The following OSTM1 variants were observed in gnomAD, a reference collection of about 807,000 sequenced individuals.
The protein encoded by OSTM1 is osteoclastogenesis associated transmembrane protein 1, also known as osteopetrosis-associated transmembrane protein 1.
In OSTM1, 26 loss-of-function variants were observed where a neutral mutation model predicts 35.4. The observed-to-expected ratio is 0.73, with a 90% CI of 0.54 to 1.02. The LOEUF is 1.02. OSTM1 is among the 50% of genes least tolerant of loss of function. The pLI is 0.00. For missense variants in OSTM1, 366 were observed against 409.6 expected (o/e 0.89, Z 0.92); for synonymous variants, 181 against 165.0 (o/e 1.10, Z -0.75).
Position 108,041,741 on chromosome 6 carries a change from A to G in OSTM1, c.*3044T>C, listed in dbSNP as rs977859973. ...ATGATGTTCCACTTATTTAGTCTTAATAAGGTAGGGAAATAAGTGACATAC... is the reference window on the plus strand; with the variant it reads ...ATGATGTTCCACTTATTTAGTCTTAGTAAGGTAGGGAAATAAGTGACATAC... On this transcript the variant is annotated 3_prime_UTR_variant, in exon 6 of 6. Coordinates refer to ENST00000193322, the MANE Select transcript of OSTM1 (RefSeq NM_014028.4). 6.6e-6 allele frequency: 1 copy of G among 152,180 alleles called. No homozygotes were observed. Among genetic ancestry groups the G allele is most frequent in the African/African-American group, 2.4e-5 (1 of 41,436 alleles). 9.4% of individuals were successfully genotyped at this position (152,180 alleles called of 1,614,324 possible).
intron 2 of OSTM1, among the ~76,000 whole-genome samples, chr6:108,061,245 G>C (rs1772265355): frequency 6.6e-6 from 1 of 152,052 alleles, no homozygotes; most frequent in African/African-American, 2.4e-5. Flanking sequence ...ACTGGCTGGG[G>C]CTTCTTATCC....
Position 108,058,339 on chromosome 6 carries a change from G to A in OSTM1, c.518-3752C>T, listed in dbSNP as rs59632883. On this transcript the variant is annotated intron_variant, in intron 2 of 5. Coordinates refer to ENST00000193322, the MANE Select transcript of OSTM1 (RefSeq NM_014028.4). ...TAGCAGAGATAATCACCAATTTAGG[G>A]TAAGCTTCAGAAAATAAAAATAAAC... Among the ~76,000 whole-genome samples, 244 of 152,148 alleles carry A rather than the reference G, an allele frequency of 1.6e-3. 1 individual carries two copies. Among genetic ancestry groups the A allele is most frequent in the African/African-American group, 5.7e-3 (238 of 41,508 alleles).
intron 1 of OSTM1, among the ~76,000 whole-genome samples, chr6:108,064,917 A>T (rs1772350135): frequency 1.3e-5 from 2 of 152,340 alleles, no homozygotes; most frequent in South Asian, 4.1e-4. Flanking sequence ...AGGAGAAAAG[A>T]GGGAGAAAAG....
rs1772033167 is a variant in OSTM1 at position 108,049,210 on chromosome 6, T to C, written c.949+43A>G. On this transcript the variant is annotated intron_variant, in intron 5 of 5. Transcript: ENST00000193322. ...CTAAAACAGGCCTAAATTTTTAAAATACAGGCTTTTATCTATAAAATAAAT... is the reference window on the plus strand; with the variant it reads ...CTAAAACAGGCCTAAATTTTTAAAACACAGGCTTTTATCTATAAAATAAAT... 6 of 1,403,072 alleles carry C rather than the reference T, an allele frequency of 4.3e-6. No individual in the cohort carries two copies. In the East Asian group the frequency reaches 9.9e-5, roughly 23 times the overall value. The allele number at this position is 1,403,072 out of a possible 1,614,324, so 86.9% of individuals were successfully genotyped here.
At chr6:108,052,500 A>T in intron 3 of OSTM1, among the ~76,000 whole-genome samples, 2 of 140,370 alleles carry the variant, frequency 1.4e-5, no homozygotes, top group Non-Finnish European at 1.5e-5. Flanking sequence ...CTAGATGGGG[A>T]GTAATTTAAC....
At chr6:108,068,131 T>C (rs1772413599) in intron 1 of OSTM1, among the ~76,000 whole-genome samples, 1 of 152,172 alleles carries the variant, frequency 6.6e-6, no homozygotes, top group African/African-American at 2.4e-5. Flanking sequence ...ACCCCTTCCC[T>C]TTTCCTTGAT....
intron 5 of OSTM1, among the ~76,000 whole-genome samples, chr6:108,045,666 C>T (rs1771955215): frequency 6.6e-6 from 1 of 152,086 alleles, no homozygotes; most frequent in Non-Finnish European, 1.5e-5. Context: ...AATACGTTAC[C>T]ATCAATTCTG....
At chr6:108,049,221 A>C in intron 5 of OSTM1, 32 bp downstream of exon 5, 1 of 1,485,802 alleles carries the variant, frequency 6.7e-7, no homozygotes, top group African/African-American at 1.4e-5. Context: ...ACAGGCTTTT[A>C]TCTATAAAAT....
intron 3 of OSTM1, among the ~76,000 whole-genome samples, chr6:108,054,128 T>C (rs568894180): frequency 1.3e-5 from 2 of 152,316 alleles, no homozygotes; most frequent in African/African-American, 4.8e-5. Context: ...AAACTTCCTA[T>C]AGACAGAATC....
chr6:108,059,052 T>C (rs115361813), intron 2 of OSTM1, among the ~76,000 whole-genome samples: 144 of 152,300 alleles, frequency 9.5e-4, no homozygotes, highest in African/African-American at 3.4e-3. Flanking sequence ...ACTGATAATT[T>C]TGAGGCCTAT....
intron 2 of OSTM1, among the ~76,000 whole-genome samples, chr6:108,055,970 T>C (rs1472720059): frequency 1.3e-5 from 2 of 152,106 alleles, no homozygotes; most frequent in African/African-American, 4.8e-5. Context: ...CAACTGGAAG[T>C]GGAAAGACAA....
chr6:108,047,495 T>C lies in OSTM1; in HGVS notation c.949+1758A>G, dbSNP rs544312024. Reference sequence around the variant, plus strand: ...GAACACATTAAGCATTCCAAGTTAGTAGAGAAACATGGTGAATTTGTGTTT... The same window carrying C: ...GAACACATTAAGCATTCCAAGTTAGCAGAGAAACATGGTGAATTTGTGTTT... On this transcript the variant is annotated intron_variant, in intron 5 of 5. Coordinates refer to ENST00000193322, the MANE Select transcript of OSTM1 (RefSeq NM_014028.4). Among the ~76,000 whole-genome samples, 3 of 152,336 alleles carry C rather than the reference T, an allele frequency of 2.0e-5. No individual in the cohort carries two copies. The East Asian group carries it at 5.8e-4, about 29-fold the overall frequency.
intron 1 of OSTM1, among the ~76,000 whole-genome samples, chr6:108,067,073 A>C (rs9374018): frequency 0.28 from 41,868 of 152,014 alleles, 6,163 homozygotes; most frequent in Admixed American, 0.45. Flanking sequence ...ATTAATTCCA[A>C]AGTAAATCCA....
chr6:108,062,535 C>CTTTTTTTTTTTTTTTTTTTTTT (rs780041339), intron 2 of OSTM1, among the ~76,000 whole-genome samples: 1 of 131,074 alleles, frequency 7.6e-6, no homozygotes, highest in Non-Finnish European at 1.6e-5. Context: ...CTTTTCTTTT[C>CTTTTTTTTTTTTTTTTTTTTTT]TTTTTTTTTT....
chr6:108,074,496 C>G lies in OSTM1; in HGVS notation c.156G>C (p.Leu52Phe), dbSNP rs9480830. The G allele has an allele frequency of 6.6e-3, 10,210 of 1,558,518 alleles. 318 individuals carry two copies. The African/African-American group carries it at 0.09, about 14-fold the overall frequency. ...ACAGGGACAAGTCCTCCACCTCCAGCAACTGCTGCTCCGACAGGAGGTCGT... is the reference window on the plus strand; with the variant it reads ...ACAGGGACAAGTCCTCCACCTCCAGGAACTGCTGCTCCGACAGGAGGTCGT... Reference protein sequence around the residue: ...VFHDLLSEQQLLEVEDLSLSL... With the variant: ...VFHDLLSEQQFLEVEDLSLSL... The change falls in exon 1 of 6, where the codon TTG becomes TTC. Residue 52 changes from leucine (L) to phenylalanine (F), a missense_variant. By Grantham distance (22) the Leu-to-Phe change is conservative (BLOSUM62 0). Transcript: ENST00000193322.
intron 3 of OSTM1, among the ~76,000 whole-genome samples, chr6:108,051,460 G>A (rs1280801623): frequency 1.3e-5 from 2 of 152,132 alleles, no homozygotes; most frequent in Non-Finnish European, 2.9e-5. Context: ...GAACTTTCTA[G>A]GTGCCTCTAA....
intron 2 of OSTM1, among the ~76,000 whole-genome samples, chr6:108,059,125 C>A (rs747826618): frequency 1.2e-4 from 19 of 152,166 alleles, no homozygotes; most frequent in Non-Finnish European, 2.2e-4. Flanking sequence ...CTAAAGCAGT[C>A]ATGAACTCAT....
At position 108,072,423 on chromosome 6, in the gene OSTM1, CAGG is replaced by C. The variant is rs950388936; in HGVS notation, c.402+1824_402+1826del. 4.6e-5 allele frequency among the ~76,000 whole-genome samples: 7 copies of C among 152,122 alleles called. No homozygotes were observed. The South Asian group carries it at 8.3e-4, about 18-fold the overall frequency. ...CTGAGGTGGGTGGATTACTTGAGGC[CAGG>C]AGTTCGAGAACAGCCTGGTCAACAT... On this transcript the variant is annotated intron_variant, in intron 1 of 5. Coordinates refer to ENST00000193322, the MANE Select transcript of OSTM1 (RefSeq NM_014028.4).
intron 2 of OSTM1, among the ~76,000 whole-genome samples, chr6:108,061,795 G>C (rs1772277115): frequency 6.6e-6 from 1 of 151,500 alleles, no homozygotes; most frequent in South Asian, 2.1e-4. Context: ...CTACCATCTT[G>C]TCCTCCTGAA....
Sources: allele counts gnomAD v4.1 joint callset (sites outside exome capture counted in the v4.1 genomes callset), GRCh38; gene constraint gnomAD v4.1.1; transcripts MANE v1.5; gene names NCBI Gene and HGNC (gene_info 2026-07-23, HGNC 2026-07-21).